CLSTN2: variants seen among roughly 807,000 people sequenced by gnomAD.
CLSTN2 encodes the protein calsyntenin 2.
In CLSTN2, 48 loss-of-function variants were observed where a neutral mutation model predicts 101.2. That is an observed-to-expected ratio of 0.47 (90% CI 0.38 to 0.60). The LOEUF (loss-of-function observed/expected upper bound fraction) is 0.60, where lower values mean the gene tolerates loss of function less well. CLSTN2 is among the 20% of genes least tolerant of loss of function. The probability of loss-of-function intolerance (pLI) is 0.00; values close to 1 mark genes in which losing one functional copy is unlikely to be tolerated. For missense variants in CLSTN2, 1,160 were observed against 1,238.2 expected (o/e 0.94, Z 0.95); for synonymous variants, 481 against 463.6 (o/e 1.04, Z -0.48).
At chr3:140,275,078 G>A (rs529723595) in intron 2 of CLSTN2, among the ~76,000 whole-genome samples, 12 of 152,272 alleles carry the variant, frequency 7.9e-5, no homozygotes, top group African/African-American at 2.6e-4. Context: ...ACCAATGACT[G>A]TCCAGTGAAG....
At chr3:140,077,702 A>C (rs2280336) in intron 1 of CLSTN2, among the ~76,000 whole-genome samples, 13,237 of 151,980 alleles carry the variant, frequency 0.087, 822 homozygotes, top group African/African-American at 0.17. Context: ...AAAAAAAAAA[A>C]ACCTCAAACC....
chr3:140,079,190 G>T (rs1312922963), intron 1 of CLSTN2, among the ~76,000 whole-genome samples: 1 of 152,090 alleles, frequency 6.6e-6, no homozygotes, highest in Non-Finnish European at 1.5e-5. Flanking sequence ...CACAGGTATG[G>T]TTTGCTGATG....
chr3:140,144,218 T>G (rs893302172), intron 1 of CLSTN2, among the ~76,000 whole-genome samples: 1 of 152,218 alleles, frequency 6.6e-6, no homozygotes, highest in South Asian at 2.1e-4. Flanking sequence ...TGGAGACAAA[T>G]ATGACTCCTG....
intron 5 of CLSTN2, among the ~76,000 whole-genome samples, chr3:140,438,365 C>T (rs755057359): frequency 3.0e-5 from 4 of 131,714 alleles, no homozygotes; most frequent in Non-Finnish European, 6.1e-5. Context: ...TTTCAGCTTG[C>T]GACTCTTGTT....
intron 8 of CLSTN2, among the ~76,000 whole-genome samples, chr3:140,473,820 C>A (rs1176080623): frequency 6.6e-6 from 1 of 151,724 alleles, no homozygotes. Flanking sequence ...TGCAGTGGTG[C>A]GATCTTGGCT....
chr3:140,282,129 A>G (rs1188883125), intron 2 of CLSTN2, among the ~76,000 whole-genome samples: 1 of 152,206 alleles, frequency 6.6e-6, no homozygotes, highest in Non-Finnish European at 1.5e-5. Context: ...TACTTACACT[A>G]TGTCTCTGCT....
At chr3:140,493,022 AT>A (rs138375542) in intron 8 of CLSTN2, among the ~76,000 whole-genome samples, 14,680 of 152,200 alleles carry the variant, frequency 0.096, 775 homozygotes, top group Middle Eastern at 0.16. Context: ...GGAGGTTTTT[AT>A]TTTTTTCACT....
chr3:140,327,987 C>T (rs1297375271), intron 2 of CLSTN2, among the ~76,000 whole-genome samples: 1 of 152,170 alleles, frequency 6.6e-6, no homozygotes, highest in Non-Finnish European at 1.5e-5. Context: ...TTCCTTCAAT[C>T]CCAGCCCTCT....
intron 2 of CLSTN2, among the ~76,000 whole-genome samples, chr3:140,397,084 T>G (rs2088190789): frequency 6.6e-6 from 1 of 151,920 alleles, no homozygotes; most frequent in Non-Finnish European, 1.5e-5. Flanking sequence ...CAATACATAT[T>G]AACACAAGTA....
At chr3:140,002,149 T>C (rs2006856172) in intron 1 of CLSTN2, among the ~76,000 whole-genome samples, 1 of 152,180 alleles carries the variant, frequency 6.6e-6, no homozygotes, top group African/African-American at 2.4e-5. Flanking sequence ...ATCAAACCGT[T>C]CTCTGTAGTG....
chr3:140,113,870 A>G (rs565061306), intron 1 of CLSTN2, among the ~76,000 whole-genome samples: 19 of 152,310 alleles, frequency 1.2e-4, no homozygotes, highest in African/African-American at 4.3e-4. Context: ...ATATGTGTAT[A>G]CGTGTGTGTG....
intron 2 of CLSTN2, among the ~76,000 whole-genome samples, chr3:140,219,322 G>C (rs2086243495): frequency 6.6e-6 from 1 of 152,020 alleles, no homozygotes. Flanking sequence ...TGCCTTCCCT[G>C]AGAGCAGGCA....
chr3:140,334,917 G>A (rs1395501099), intron 2 of CLSTN2, among the ~76,000 whole-genome samples: 1 of 152,300 alleles, frequency 6.6e-6, no homozygotes, highest in South Asian at 2.1e-4. Flanking sequence ...AGGAATGTGC[G>A]GTCATCGTTA....
chr3:140,543,211 C>A (rs978380540), intron 9 of CLSTN2, among the ~76,000 whole-genome samples: 1 of 152,120 alleles, frequency 6.6e-6, no homozygotes, highest in African/African-American at 2.4e-5. Context: ...ACTGGATGCC[C>A]TGGAGAGGAG....
chr3:140,294,674 A>C (rs1391346876), intron 2 of CLSTN2, among the ~76,000 whole-genome samples: 1 of 151,412 alleles, frequency 6.6e-6, no homozygotes, highest in Non-Finnish European at 1.5e-5. Context: ...ATCAATGAAC[A>C]CTCATTTTCT....
intron 2 of CLSTN2, among the ~76,000 whole-genome samples, chr3:140,345,390 A>C (rs1175318000): frequency 2.0e-5 from 3 of 151,602 alleles, no homozygotes; most frequent in African/African-American, 7.3e-5. Flanking sequence ...CTGGGATTAC[A>C]GGCGCCTGCC....
intron 8 of CLSTN2, among the ~76,000 whole-genome samples, chr3:140,475,768 A>G (rs541625711): frequency 3.1e-4 from 47 of 152,302 alleles, no homozygotes; most frequent in Admixed American, 2.5e-3. Context: ...TAAAATCATT[A>G]TTTGTGTTTC....
intron 1 of CLSTN2, among the ~76,000 whole-genome samples, chr3:139,946,640 G>A (rs1393234527): frequency 6.6e-6 from 1 of 152,186 alleles, no homozygotes; most frequent in Non-Finnish European, 1.5e-5. Context: ...TTGGTGAGGG[G>A]CAGAGGCTGC....
intron 2 of CLSTN2, among the ~76,000 whole-genome samples, chr3:140,217,802 C>G (rs1012143948): frequency 6.6e-6 from 1 of 152,164 alleles, no homozygotes; most frequent in African/African-American, 2.4e-5. Flanking sequence ...GAAAATGAAA[C>G]TATTCAAAAA....
Sources: allele counts gnomAD v4.1 joint callset (sites outside exome capture counted in the v4.1 genomes callset), GRCh38; gene constraint gnomAD v4.1.1; transcripts MANE v1.5; gene names NCBI Gene and HGNC (gene_info 2026-07-23, HGNC 2026-07-21).